Variants in FHL2 observed in about 807,000 individuals in gnomAD.
FHL2 encodes the protein four and a half LIM domains 2.
A neutral mutation model predicts 32.7 loss-of-function variants in FHL2; 20 were observed. That is an observed-to-expected ratio of 0.61 (90% CI 0.43 to 0.89). The LOEUF (loss-of-function observed/expected upper bound fraction) is 0.89. FHL2 is among the 40% of genes least tolerant of loss of function. FHL2 has a pLI of 0.00. For missense variants in FHL2, 311 were observed against 358.6 expected (o/e 0.87, Z 1.07); for synonymous variants, 123 against 128.1 (o/e 0.96, Z 0.27).
At chr2:105,434,645 ATGGT>A (rs1443670174) in intron 1 of FHL2, among the ~76,000 whole-genome samples, 1 of 152,204 alleles carries the variant, frequency 6.6e-6, no homozygotes, top group East Asian at 1.9e-4. Context: ...AATGAATAAC[ATGGT>A]TATAAGCTTC....
upstream of FHL2, among the ~76,000 whole-genome samples, chr2:105,402,107 A>G (rs191455259): frequency 9.8e-3 from 1,459 of 148,654 alleles, 18 homozygotes; most frequent in African/African-American, 0.034. Flanking sequence ...GTATATATAC[A>G]CGTATATATA....
At chr2:105,372,458 C>G (rs56120302) in intron 4 of FHL2, among the ~76,000 whole-genome samples, 15,929 of 152,170 alleles carry the variant, frequency 0.1, 1,006 homozygotes, top group East Asian at 0.3. Context: ...AACTCCTGAC[C>G]TCGTGATCCG....
chr2:105,418,615 C>T (rs1220219701), intron 1 of FHL2, among the ~76,000 whole-genome samples: 1 of 152,172 alleles, frequency 6.6e-6, no homozygotes. Flanking sequence ...AAAGTATGCG[C>T]AGACATAGAG....
chr2:105,388,668 CAAAAAAAA>C, intron 2 of FHL2, among the ~76,000 whole-genome samples: 1 of 129,786 alleles, frequency 7.7e-6, no homozygotes, highest in Non-Finnish European at 1.7e-5. Context: ...ACTAAAAATA[CAAAAAAAA>C]AAAAAAAATT....
At chr2:105,373,794 A>G (rs2104533898) in intron 3 of FHL2, 61 bp from the exon 4 acceptor site, 1 of 1,574,586 alleles carries the variant, frequency 6.4e-7, no homozygotes, top group East Asian at 2.3e-5. Context: ...GACCCACAGC[A>G]TAGGGGCCCC....
intron 1 of FHL2, chr2:105,397,012 T>TTTG (rs1191315570): frequency 2.1e-4 from 32 of 150,982 alleles, no homozygotes; most frequent in African/African-American, 1.1e-3. Context: ...TCTAGTCTGT[T>TTTG]TTTTTTTTTT....
chr2:105,429,090 G>C (rs1684345666), intron 1 of FHL2, among the ~76,000 whole-genome samples: 1 of 152,176 alleles, frequency 6.6e-6, no homozygotes, highest in Non-Finnish European at 1.5e-5. Flanking sequence ...GACCTGTCCT[G>C]TTTAATGTGG....
intron 1 of FHL2, among the ~76,000 whole-genome samples, chr2:105,417,340 C>T (rs1408275673): frequency 6.7e-6 from 1 of 148,676 alleles, no homozygotes; most frequent in Non-Finnish European, 1.5e-5. Context: ...CAAGATCTTG[C>T]CACTGAACTC....
rs1343251406 is a variant in FHL2 at position 105,399,051 on chromosome 2, T to C, written c.-285A>G. 12 of 1,496,862 alleles carry C rather than the reference T, an allele frequency of 8.0e-6. No homozygotes were observed. In the East Asian group the frequency reaches 2.9e-4, roughly 36 times the overall value. The allele number at this position is 1,496,862 out of a possible 1,614,324, so 92.7% of individuals were successfully genotyped here. On this transcript the variant is annotated 5_prime_UTR_variant, in exon 1 of 7. Transcript: ENST00000530340. Reference sequence around the variant, plus strand: ...GGCTGCGGCTCCGCTGCCGGCCGAGTGGAGCGCTGCGCAGCTCCCGCCCTC... The same window carrying C: ...GGCTGCGGCTCCGCTGCCGGCCGAGCGGAGCGCTGCGCAGCTCCCGCCCTC...
chr2:105,364,087 T>A (rs549761164), intron 5 of FHL2, among the ~76,000 whole-genome samples: 1 of 152,064 alleles, frequency 6.6e-6, no homozygotes, highest in East Asian at 1.9e-4. Context: ...CGAAACCCCA[T>A]CTCTACTAAA....
rs727505151 is a variant in FHL2, at chr2:105,373,606, T to C, written c.284A>G (p.Asn95Ser). The change falls in exon 4 of 7, where the codon AAC becomes AGC. Residue 95 changes from asparagine (N) to serine (S), a missense_variant. By Grantham distance (46) the Asn-to-Ser change is conservative. Transcript: ENST00000530340. ...DQLLCTDCYS[N>S]EYSSKCQECK... ...TTCCTGGCACTTGGATGAGTACTCG[T>C]TGGAATAGCAGTCTGTACAGAGCAG... The C allele has an allele frequency of 1.2e-6, 2 of 1,614,178 alleles. No individual in the cohort carries two copies. Among genetic ancestry groups the C allele is most frequent in the Non-Finnish European group, 1.7e-6 (2 of 1,180,028 alleles).
chr2:105,378,446 G>A (rs558958356), intron 3 of FHL2: 89 of 285,070 alleles, frequency 3.1e-4, no homozygotes, highest in African/African-American at 1.9e-3. Context: ...GAACCATTTC[G>A]CCTTGGCTCC....
upstream of FHL2, among the ~76,000 whole-genome samples, chr2:105,401,014 G>A (rs926670074): frequency 1.4e-5 from 2 of 146,282 alleles, no homozygotes; most frequent in African/African-American, 2.5e-5. Context: ...ACAGAACCAA[G>A]AGATTAAAAA....
At chr2:105,383,095 A>T (rs1437828082) in intron 3 of FHL2, among the ~76,000 whole-genome samples, 2 of 152,194 alleles carry the variant, frequency 1.3e-5, no homozygotes, top group Non-Finnish European at 2.9e-5. Context: ...CATGTTGGCC[A>T]GGCTGGTCTC....
intron 4 of FHL2, among the ~76,000 whole-genome samples, chr2:105,372,776 C>G (rs139389093): frequency 0.013 from 1,985 of 152,184 alleles, 49 homozygotes; most frequent in African/African-American, 0.046. Flanking sequence ...AGGCCGATTT[C>G]AAACTCCTGA....
intron 1 of FHL2, among the ~76,000 whole-genome samples, chr2:105,397,881 G>GTTTTTTTTTTT (rs749684273): frequency 8.6e-6 from 1 of 116,302 alleles, no homozygotes; most frequent in African/African-American, 3.1e-5. Flanking sequence ...TTGTTTTTTT[G>GTTTTTTTTTTT]TTTTTTGTTT....
intron 1 of FHL2, among the ~76,000 whole-genome samples, chr2:105,435,907 C>T (rs1215348136): frequency 1.3e-5 from 2 of 152,192 alleles, no homozygotes; most frequent in Non-Finnish European, 2.9e-5. Flanking sequence ...ATCTAATTAT[C>T]TGCTCCTCCT....
At chr2:105,431,017 G>A (rs190788653) in intron 1 of FHL2, among the ~76,000 whole-genome samples, 7 of 152,280 alleles carry the variant, frequency 4.6e-5, no homozygotes, top group Non-Finnish European at 8.8e-5. Flanking sequence ...CCCATATCAC[G>A]AAATAAATTA....
rs775963548 is a variant in FHL2 at position 105,361,233 on chromosome 2, CAT to C, written c.*48_*49del. 13 of 1,572,682 alleles carry C rather than the reference CAT, an allele frequency of 8.3e-6. No individual in the cohort carries two copies. Among genetic ancestry groups the C allele is most frequent in the Non-Finnish European group, 9.5e-6 (11 of 1,154,918 alleles). ...AAGATTGCCTGGGTGAGAAAGAAAA[CAT>C]AAAAATCTGTGTGTGAGATCACAAG... is the stretch of plus-strand genomic sequence containing the variant. On this transcript the variant is annotated 3_prime_UTR_variant, in exon 7 of 7. Coordinates refer to ENST00000530340, the MANE Select transcript of FHL2 (RefSeq NM_001318895.3).
Sources: allele counts gnomAD v4.1 joint callset (sites outside exome capture counted in the v4.1 genomes callset), GRCh38; gene constraint gnomAD v4.1.1; transcripts MANE v1.5; gene names NCBI Gene and HGNC (gene_info 2026-07-23, HGNC 2026-07-21).